The following ALG14 variants were observed in gnomAD, a reference collection of about 807,000 sequenced individuals.
ALG14 encodes the protein UDP-N-acetylglucosamine transferase subunit ALG14.
ALG14 carries 17 observed loss-of-function variants against 22.8 expected under a neutral mutation model. The ratio of observed to expected loss-of-function variants is 0.75; its 90% CI spans 0.51 to 1.12. The LOEUF (loss-of-function observed/expected upper bound fraction) is 1.12. ALG14 is among the 50% of genes most tolerant of loss of function. The pLI, the probability that ALG14 is intolerant of heterozygous loss-of-function variation, is 0.00. For missense variants in ALG14, 288 were observed against 271.8 expected, an observed-to-expected ratio of 1.06 and a Z score of -0.42; for synonymous variants, 89 against 103.7, an observed-to-expected ratio of 0.86 and a Z score of 0.86.
chr1:95,042,382 GTTAT>G (rs1674408295), intron 2 of ALG14, among the ~76,000 whole-genome samples: 1 of 152,032 alleles, frequency 6.6e-6, no homozygotes, highest in South Asian at 2.1e-4. Flanking sequence ...GACTCTTCGC[GTTAT>G]TTATCATTCC....
chr1:95,024,454 T>C (rs1381778708), intron 3 of ALG14, among the ~76,000 whole-genome samples: 1 of 152,216 alleles, frequency 6.6e-6, no homozygotes, highest in Admixed American at 6.5e-5. Context: ...AACTTTTCAA[T>C]TGAGCAAGTT....
At position 94,980,727 on chromosome 1, in the gene ALG14, G is replaced by T. The variant is rs1183420920; in HGVS notation, c.*2349C>A. On this transcript the variant is annotated 3_prime_UTR_variant, in exon 4 of 4. Coordinates refer to ENST00000370205, the MANE Select transcript of ALG14 (RefSeq NM_144988.4). ...CCAGAGTAATCTGAATGATCAGGAAGATGCAATAACACATGTCTCAGCCTG... is the reference window on the plus strand; with the variant it reads ...CCAGAGTAATCTGAATGATCAGGAATATGCAATAACACATGTCTCAGCCTG... 1.3e-5 allele frequency: 2 copies of T among 152,220 alleles called. No homozygotes were observed. The highest frequency in any genetic ancestry group is 4.8e-5 in the African/African-American group (2 of 41,458). 9.4% of individuals were successfully genotyped at this position (152,220 alleles called of 1,614,324 possible).
chr1:95,043,159 T>C (rs1255027134), intron 2 of ALG14, among the ~76,000 whole-genome samples: 1 of 152,222 alleles, frequency 6.6e-6, no homozygotes, highest in African/African-American at 2.4e-5. Context: ...AACTCCCCAC[T>C]GCCACTGAAA....
At chr1:95,046,442 A>G (rs573689922) in intron 2 of ALG14, among the ~76,000 whole-genome samples, 62 of 152,288 alleles carry the variant, frequency 4.1e-4, no homozygotes, top group African/African-American at 1.4e-3. Context: ...GAATCTAACT[A>G]ACGCCTGATG....
At chr1:95,059,194 C>T (rs901700690) in intron 2 of ALG14, among the ~76,000 whole-genome samples, 2 of 151,700 alleles carry the variant, frequency 1.3e-5, no homozygotes, top group Non-Finnish European at 2.9e-5. Context: ...GTCAGGAGTT[C>T]GAGACCAGCC....
chr1:94,983,204 T>A lies in ALG14; in HGVS notation c.523A>T (p.Ile175Phe). ...KKVIIVYVES[I>F]CRVETLSMSG... ...ATGGATAACGTTTCTACACGGCAGA[T>A]GCTTTCAACGTAGACAATGATCACT... The change falls in exon 4 of 4, where the codon ATC becomes TTC. Residue 175 changes from isoleucine (I) to phenylalanine (F), a missense_variant. By Grantham distance (21) the Ile-to-Phe change is conservative. Transcript: ENST00000370205. The A allele has an allele frequency of 6.2e-7, 1 of 1,614,174 alleles. No individual in the cohort carries two copies. Among genetic ancestry groups the A allele is most frequent in the Admixed American group, 1.7e-5 (1 of 60,020 alleles).
At chr1:94,991,247 T>C (rs1052613198) in intron 3 of ALG14, among the ~76,000 whole-genome samples, 2 of 152,222 alleles carry the variant, frequency 1.3e-5, no homozygotes, top group African/African-American at 4.8e-5. Flanking sequence ...CAGAAAATAA[T>C]AGATATGTAG....
chr1:95,006,939 A>T lies in ALG14; in HGVS notation c.420+20190T>A, dbSNP rs138739563. Among the ~76,000 whole-genome samples the T allele has an allele frequency of 7.5e-3, 1,145 of 152,302 alleles. 11 individuals carry two copies. Among genetic ancestry groups the T allele is most frequent in the African/African-American group, 0.026 (1,070 of 41,558 alleles). Reference sequence around the variant, plus strand: ...ATCATTTTCCTCTGAACATGCTGCAATTTGTCAATGGCCCTTTAAAAGTGT... The same window carrying T: ...ATCATTTTCCTCTGAACATGCTGCATTTTGTCAATGGCCCTTTAAAAGTGT... On this transcript the variant is annotated intron_variant, in intron 3 of 3. Coordinates refer to ENST00000370205, the MANE Select transcript of ALG14 (RefSeq NM_144988.4).
intron 3 of ALG14, among the ~76,000 whole-genome samples, chr1:95,012,762 T>C (rs1673402207): frequency 6.6e-6 from 1 of 152,144 alleles, no homozygotes; most frequent in Non-Finnish European, 1.5e-5. Context: ...AAATTATAAG[T>C]TCAAAACTGA....
rs1189747475 is a variant in ALG14, at chr1:94,980,772, C to A, written c.*2304G>T. ...AGCCTGGCTCTGAATGAGTACACAGCAGCCTGAACCTATGAAAGATATAAC... is the reference window on the plus strand; with the variant it reads ...AGCCTGGCTCTGAATGAGTACACAGAAGCCTGAACCTATGAAAGATATAAC... On this transcript the variant is annotated 3_prime_UTR_variant, in exon 4 of 4. Coordinates refer to ENST00000370205, the MANE Select transcript of ALG14 (RefSeq NM_144988.4). 6.6e-6 allele frequency: 1 copy of A among 152,216 alleles called. No homozygotes were observed. The highest frequency in any genetic ancestry group is 1.5e-5 in the Non-Finnish European group (1 of 68,052). The allele number at this position is 152,216 out of a possible 1,614,324, so 9.4% of individuals were successfully genotyped here.
At chr1:95,052,836 A>G (rs1674793737) in intron 2 of ALG14, among the ~76,000 whole-genome samples, 1 of 148,054 alleles carries the variant, frequency 6.8e-6, no homozygotes, top group Non-Finnish European at 1.5e-5. Flanking sequence ...CTGCTTGGGC[A>G]CCAGAGCAAG....
intron 3 of ALG14, among the ~76,000 whole-genome samples, chr1:95,025,260 T>A (rs1673778997): frequency 2.0e-5 from 3 of 152,204 alleles, no homozygotes; most frequent in Admixed American, 6.5e-5. Flanking sequence ...GCAGTAATAT[T>A]TTGAAAGGAA....
chr1:95,018,900 A>T (rs1447719801), intron 3 of ALG14, among the ~76,000 whole-genome samples: 1 of 152,214 alleles, frequency 6.6e-6, no homozygotes, highest in African/African-American at 2.4e-5. Context: ...TTATCTACAA[A>T]ATACTGTACT....
intron 3 of ALG14, among the ~76,000 whole-genome samples, chr1:94,995,236 T>C (rs1015182450): frequency 6.6e-6 from 1 of 152,250 alleles, no homozygotes; most frequent in Non-Finnish European, 1.5e-5. Flanking sequence ...TCAAAGGATA[T>C]GTAAGAACAC....
chr1:94,990,601 T>C (rs1407235745), intron 3 of ALG14, among the ~76,000 whole-genome samples: 1 of 152,246 alleles, frequency 6.6e-6, no homozygotes, highest in Non-Finnish European at 1.5e-5. Context: ...TGTTTCTACA[T>C]AGGCACAATT....
chr1:95,007,594 T>TGCA (rs1351525938), intron 3 of ALG14, among the ~76,000 whole-genome samples: 1 of 152,268 alleles, frequency 6.6e-6, no homozygotes, highest in African/African-American at 2.4e-5. Flanking sequence ...ACTGAAATCC[T>TGCA]GCAGCAACTT....
intron 3 of ALG14, 27 bp from the exon 4 acceptor site, chr1:94,983,333 G>A (rs1318612603): frequency 1.3e-6 from 2 of 1,580,982 alleles, no homozygotes; most frequent in Non-Finnish European, 1.7e-6. Context: ...AAGGTCAAAT[G>A]AAAATACAGA....
chr1:94,984,853 T>C (rs958990333), intron 3 of ALG14, among the ~76,000 whole-genome samples: 13 of 152,256 alleles, frequency 8.5e-5, no homozygotes, highest in African/African-American at 3.1e-4. Flanking sequence ...CACAACGCAC[T>C]ATGGCCAAGT....
intron 3 of ALG14, among the ~76,000 whole-genome samples, chr1:94,984,332 A>G (rs543031646): frequency 3.3e-5 from 5 of 152,292 alleles, no homozygotes; most frequent in Admixed American, 6.5e-5. Context: ...AAAGGTTCCC[A>G]TATATACTGT....
Sources: allele counts gnomAD v4.1 joint callset (sites outside exome capture counted in the v4.1 genomes callset), GRCh38; gene constraint gnomAD v4.1.1; transcripts MANE v1.5; gene names NCBI Gene and HGNC (gene_info 2026-07-23, HGNC 2026-07-21).